Variants in NCALD observed in about 807,000 individuals in gnomAD.
NCALD encodes neurocalcin delta.
A neutral mutation model predicts 18.6 loss-of-function variants in NCALD; 10 were observed. The observed-to-expected ratio is 0.54, with a 90% CI of 0.33 to 0.91. The LOEUF (loss-of-function observed/expected upper bound fraction) is 0.91. Ranked by LOEUF, NCALD falls within the 40% of genes least tolerant of loss-of-function variation. NCALD has a pLI of 0.03. For synonymous variants in NCALD, 88 were observed against 87.4 expected, an observed-to-expected ratio of 1.01 and a Z score of -0.04; for missense variants, 184 against 247.6, an observed-to-expected ratio of 0.74 and a Z score of 1.72.
rs540670816 is a variant in NCALD at position 101,719,211 on chromosome 8, G to C, written c.378+41C>G. ...TGTGCACCTTCCAATTCTTACTTGA[G>C]ATACATGCCCTTCTTTTTTTAAAGG... On this transcript the variant is annotated intron_variant, in intron 2 of 3. Transcript: ENST00000220931. 5 of 1,584,486 alleles carry C rather than the reference G, an allele frequency of 3.2e-6. No homozygotes were observed. The African/African-American group carries it at 4.0e-5, about 13-fold the overall frequency.
At chr8:101,713,494 T>A (rs1309952279) in intron 2 of NCALD, among the ~76,000 whole-genome samples, 3 of 16 alleles carry the variant, frequency 0.19, no homozygotes, top group Non-Finnish European at 0.38. Flanking sequence ...CAAGGAACTG[T>A]TTTTTTTTGA....
intron 3 of NCALD, among the ~76,000 whole-genome samples, chr8:101,906,560 C>T (rs1817618519): frequency 1.3e-5 from 2 of 152,208 alleles, no homozygotes; most frequent in South Asian, 2.1e-4. Flanking sequence ...ATGCCAGCCA[C>T]CGTTTGCTGA....
chr8:101,724,676 AC>A (rs1309417050), intron 1 of NCALD, among the ~76,000 whole-genome samples: 3 of 152,184 alleles, frequency 2.0e-5, no homozygotes, highest in Admixed American at 6.5e-5. Context: ...ATCCTATTAA[AC>A]TTTCACAACC....
At chr8:102,078,445 A>G (rs1824419753) in intron 1 of NCALD, among the ~76,000 whole-genome samples, 1 of 152,188 alleles carries the variant, frequency 6.6e-6, no homozygotes, top group South Asian at 2.1e-4. Flanking sequence ...GACCCTTCCA[A>G]TCAATGGCTT....
intron 2 of NCALD, among the ~76,000 whole-genome samples, chr8:101,974,377 C>A (rs1217761432): frequency 6.6e-6 from 1 of 152,142 alleles, no homozygotes; most frequent in Non-Finnish European, 1.5e-5. Context: ...CTGTCCCATT[C>A]TCTATCCCCA....
At chr8:101,959,424 C>G (rs892170842) in intron 2 of NCALD, among the ~76,000 whole-genome samples, 2 of 152,056 alleles carry the variant, frequency 1.3e-5, no homozygotes, top group Admixed American at 1.3e-4. Flanking sequence ...GAGTAAATTA[C>G]TCATTTTTCT....
At chr8:101,909,442 C>A (rs1308763910) in intron 3 of NCALD, among the ~76,000 whole-genome samples, 1 of 152,198 alleles carries the variant, frequency 6.6e-6, no homozygotes, top group East Asian at 1.9e-4. Flanking sequence ...ACCTTCATCA[C>A]TGCCTTGCTC....
At chr8:101,706,064 AT>A (rs1486889174) in intron 2 of NCALD, among the ~76,000 whole-genome samples, 1 of 152,236 alleles carries the variant, frequency 6.6e-6, no homozygotes, top group Non-Finnish European at 1.5e-5. Flanking sequence ...GGAGGGAGTC[AT>A]CTGAAACTGC....
intron 1 of NCALD, among the ~76,000 whole-genome samples, chr8:102,043,449 A>G (rs1823125029): frequency 6.6e-6 from 1 of 151,794 alleles, no homozygotes; most frequent in South Asian, 2.1e-4. Flanking sequence ...AAACATTAAT[A>G]GACTGACATT....
At chr8:101,762,780 A>G (rs1811169056) in intron 1 of NCALD, among the ~76,000 whole-genome samples, 1 of 151,818 alleles carries the variant, frequency 6.6e-6, no homozygotes, top group Non-Finnish European at 1.5e-5. Context: ...CGCCATGTTG[A>G]CCAGGCTGGT....
chr8:101,819,503 C>T (rs1201020850), intron 4 of NCALD, among the ~76,000 whole-genome samples: 1 of 152,002 alleles, frequency 6.6e-6, no homozygotes, highest in Non-Finnish European at 1.5e-5. Context: ...TAGCTTTGCA[C>T]ATTCTTTCCC....
At chr8:101,733,947 T>C (rs1816959119) in intron 1 of NCALD, among the ~76,000 whole-genome samples, 1 of 152,224 alleles carries the variant, frequency 6.6e-6, no homozygotes, top group Non-Finnish European at 1.5e-5. Flanking sequence ...TTGTCTTTTT[T>C]CCTGGGGCTG....
At chr8:101,957,687 A>T (rs1024299987) in intron 2 of NCALD, among the ~76,000 whole-genome samples, 1 of 152,158 alleles carries the variant, frequency 6.6e-6, no homozygotes, top group African/African-American at 2.4e-5. Flanking sequence ...CAGGAGTCCA[A>T]TGCTAAGGCC....
intron 4 of NCALD, among the ~76,000 whole-genome samples, chr8:101,869,546 G>A (rs997029978): frequency 2.6e-5 from 4 of 152,176 alleles, no homozygotes; most frequent in African/African-American, 9.7e-5. Context: ...TGTTACAGCA[G>A]CTACAGAAAA....
intron 2 of NCALD, among the ~76,000 whole-genome samples, chr8:101,920,607 C>T (rs1818127452): frequency 6.6e-6 from 1 of 152,140 alleles, no homozygotes; most frequent in Non-Finnish European, 1.5e-5. Flanking sequence ...GTCCATTATT[C>T]TAAGTGAATT....
At position 101,739,866 on chromosome 8, in the gene NCALD, A is replaced by G. The variant is rs117532633; in HGVS notation, c.-19-20218T>C. ...GTGATTGTGTGAGTCGATTCTCCTAATAAACTCCCCTTCATATATGCATCT... is the reference window on the plus strand; with the variant it reads ...GTGATTGTGTGAGTCGATTCTCCTAGTAAACTCCCCTTCATATATGCATCT... On this transcript the variant is annotated intron_variant, in intron 1 of 3. Coordinates refer to ENST00000220931, the MANE Select transcript of NCALD (RefSeq NM_032041.3). 7.1e-3 allele frequency among the ~76,000 whole-genome samples: 1,085 copies of G among 152,180 alleles called. 34 individuals carry two copies. The highest frequency in any genetic ancestry group is 0.05 in the Admixed American group (770 of 15,278).
intron 3 of NCALD, among the ~76,000 whole-genome samples, chr8:101,907,292 G>A (rs1817641936): frequency 1.3e-5 from 2 of 151,978 alleles, no homozygotes; most frequent in South Asian, 2.1e-4. Flanking sequence ...GTTCCCTTTG[G>A]ACTAAATCTT....
At chr8:101,875,378 C>T (rs1189275528) in intron 4 of NCALD, among the ~76,000 whole-genome samples, 1 of 152,220 alleles carries the variant, frequency 6.6e-6, no homozygotes, top group Admixed American at 6.5e-5. Flanking sequence ...CAGGATTTCC[C>T]TCCTTGCAAG....
At chr8:101,933,293 G>A (rs1818643365) in intron 2 of NCALD, among the ~76,000 whole-genome samples, 1 of 152,188 alleles carries the variant, frequency 6.6e-6, no homozygotes, top group African/African-American at 2.4e-5. Flanking sequence ...TAATCACAAT[G>A]TTCCCGAGTC....
Sources: gnomAD v4.1 joint callset for allele counts (sites outside exome capture counted in the v4.1 genomes callset) on GRCh38, gnomAD v4.1.1 for gene constraint, MANE v1.5 for transcripts, NCBI Gene and HGNC (gene_info 2026-07-23, HGNC 2026-07-21) for gene names.